Variants in STPG4 observed in about 807,000 individuals in gnomAD.
STPG4 encodes the protein sperm-tail PG-rich repeat containing 4.
Under a neutral mutation model 31.5 loss-of-function variants are expected in STPG4, and 41 were observed. That is an observed-to-expected ratio of 1.30 (90% CI 1.01 to 1.69). The LOEUF is 1.69. Among genes scored for constraint, STPG4 ranks in the 40% most tolerant of loss-of-function variants. The probability of loss-of-function intolerance (pLI) is 0.00; values close to 1 mark genes in which losing one functional copy is unlikely to be tolerated. For missense variants in STPG4, 375 were observed against 293.4 expected (o/e 1.28, Z -2.03); for synonymous variants, 141 against 103.0 (o/e 1.37, Z -2.24).
chr2:47,140,727 T>C (rs1686684185), intron 3 of STPG4, among the ~76,000 whole-genome samples: 1 of 152,174 alleles, frequency 6.6e-6, no homozygotes, highest in African/African-American at 2.4e-5. Flanking sequence ...CATGCAGAAC[T>C]GGAAACTGGA....
At chr2:47,104,817 G>A (rs13027252) in intron 5 of STPG4, among the ~76,000 whole-genome samples, 8,399 of 152,022 alleles carry the variant, frequency 0.055, 432 homozygotes, top group African/African-American at 0.11. Flanking sequence ...TGTCTAGGTC[G>A]AAGGCCCAGC....
At chr2:47,113,289 A>G (rs939884319) in intron 5 of STPG4, among the ~76,000 whole-genome samples, 2 of 152,202 alleles carry the variant, frequency 1.3e-5, no homozygotes, top group African/African-American at 4.8e-5. Context: ...AATACAAGCA[A>G]AAGGAAAAAT....
intron 5 of STPG4, among the ~76,000 whole-genome samples, chr2:47,097,590 C>T (rs1422348146): frequency 8.5e-5 from 13 of 152,216 alleles, no homozygotes; most frequent in Non-Finnish European, 1.0e-4. Context: ...GTGGAAGCTT[C>T]TGCCCTTCGC....
At chr2:47,100,901 A>G (rs1685784046) in intron 5 of STPG4, among the ~76,000 whole-genome samples, 1 of 151,834 alleles carries the variant, frequency 6.6e-6, no homozygotes, top group Admixed American at 6.6e-5. Context: ...CCACCTTAAG[A>G]GCTGTAACAC....
intron 3 of STPG4, among the ~76,000 whole-genome samples, chr2:47,132,707 G>A (rs921520232): frequency 6.6e-6 from 1 of 152,134 alleles, no homozygotes; most frequent in Non-Finnish European, 1.5e-5. Flanking sequence ...TGATTCTGAT[G>A]ACAATTACGT....
chr2:47,133,570 C>CT (rs10682288), intron 3 of STPG4, among the ~76,000 whole-genome samples: 2,233 of 66,908 alleles, frequency 0.033, 449 homozygotes, highest in African/African-American at 0.13. Flanking sequence ...GCACTCAAAT[C>CT]TTTTTTTTTT....
At chr2:47,096,168 C>T (rs1245174135) in intron 5 of STPG4, among the ~76,000 whole-genome samples, 3 of 152,216 alleles carry the variant, frequency 2.0e-5, no homozygotes, top group Non-Finnish European at 2.9e-5. Context: ...ATCAGCCTCA[C>T]ATCCTAGCAA....
At chr2:47,116,915 A>T (rs886168651) in intron 5 of STPG4, among the ~76,000 whole-genome samples, 2 of 152,200 alleles carry the variant, frequency 1.3e-5, no homozygotes, top group Non-Finnish European at 2.9e-5. Flanking sequence ...AGTGAGAAAG[A>T]TATAAATACA....
rs924826572 is a variant in STPG4 at position 47,129,831 on chromosome 2, G to T, written c.519+110C>A. On this transcript the variant is annotated intron_variant, in intron 5 of 6. Transcript: ENST00000445927. ...GTGTGGATAATGGTGTTCCTGCTAG[G>T]GGGAACGATCACTGGAGGGTTCTAT... is the stretch of plus-strand genomic sequence containing the variant. 4.4e-6 allele frequency: 6 copies of T among 1,351,438 alleles called. No homozygotes were observed. The African/African-American group carries it at 7.3e-5, about 16-fold the overall frequency. 83.7% of individuals were successfully genotyped at this position (1,351,438 alleles called of 1,614,324 possible).
intron 5 of STPG4, among the ~76,000 whole-genome samples, chr2:47,107,480 G>A (rs112840241): frequency 0.091 from 13,847 of 152,228 alleles, 880 homozygotes; most frequent in Non-Finnish European, 0.12. Context: ...CACCAGTGCT[G>A]CGCTCGGTTT....
chr2:47,135,378 C>A (rs1440038281), intron 3 of STPG4, among the ~76,000 whole-genome samples: 1 of 152,004 alleles, frequency 6.6e-6, no homozygotes, highest in South Asian at 2.1e-4. Flanking sequence ...TGTCTAGATT[C>A]TTTTCCTCTT....
intron 2 of STPG4, 152 bp from the exon 3 acceptor site, chr2:47,151,667 A>G (rs1686939793): frequency 6.1e-6 from 4 of 650,952 alleles, no homozygotes; most frequent in Admixed American, 5.9e-5. Context: ...TTGACAGAAG[A>G]GTATTTCAAA....
chr2:47,127,069 G>A (rs968199522), intron 5 of STPG4, among the ~76,000 whole-genome samples: 22 of 151,756 alleles, frequency 1.4e-4, no homozygotes, highest in African/African-American at 2.7e-4. Flanking sequence ...GGTTTGGAAC[G>A]GTCCCTGTTA....
rs527408432 is a variant in STPG4 at position 47,101,188 on chromosome 2, C to T, written c.520-10814G>A. On this transcript the variant is annotated intron_variant, in intron 5 of 6. Transcript: ENST00000445927. ...GTCAGCCAGCTAAAAGTGACTAGTG[C>T]GGACACCGGACTAAAAACATGGGTG... Among the ~76,000 whole-genome samples the T allele has an allele frequency of 3.3e-5, 5 of 151,934 alleles. No individual in the cohort carries two copies. In the East Asian group the frequency reaches 5.8e-4, roughly 18 times the overall value.
At chr2:47,149,305 C>T (rs142128297) in intron 3 of STPG4, among the ~76,000 whole-genome samples, 4 of 152,280 alleles carry the variant, frequency 2.6e-5, no homozygotes, top group African/African-American at 7.2e-5. Flanking sequence ...CATCCTTGTA[C>T]GTTTTCTCCT....
intron 5 of STPG4, among the ~76,000 whole-genome samples, chr2:47,112,031 A>G (rs1686046997): frequency 6.6e-6 from 1 of 152,242 alleles, no homozygotes. Context: ...CTTCGGGCAC[A>G]TAAGATCCTA....
At chr2:47,098,412 A>G (rs1156897545) in intron 5 of STPG4, among the ~76,000 whole-genome samples, 1 of 152,170 alleles carries the variant, frequency 6.6e-6, no homozygotes. Context: ...GGGGTTAGAA[A>G]CCAGTGATTT....
chr2:47,141,925 G>A (rs905577280), intron 3 of STPG4, among the ~76,000 whole-genome samples: 10 of 146,346 alleles, frequency 6.8e-5, no homozygotes, highest in African/African-American at 2.6e-4. Context: ...GGCTACTGAA[G>A]GATCTAGGAT....
At chr2:47,109,535 T>C (rs1165911492) in intron 5 of STPG4, among the ~76,000 whole-genome samples, 1 of 143,934 alleles carries the variant, frequency 6.9e-6, no homozygotes, top group African/African-American at 2.6e-5. Context: ...CCAGCCTGGG[T>C]GATAGTGAGA....
Sources: allele counts gnomAD v4.1 joint callset (sites outside exome capture counted in the v4.1 genomes callset), GRCh38; gene constraint gnomAD v4.1.1; transcripts MANE v1.5; gene names NCBI Gene and HGNC (gene_info 2026-07-23, HGNC 2026-07-21).